Variants in MRLN observed in about 807,000 individuals in gnomAD.
MRLN encodes the protein Linc-RNA activator of myogenesis.
Position 59,752,399 on chromosome 10 carries a change from C to T in MRLN, c.-125+955G>A, listed in dbSNP as rs142297078. On this transcript the variant is annotated intron_variant, in intron 1 of 2. Coordinates refer to ENST00000414264, the MANE Select transcript of MRLN (RefSeq NM_001304731.2). ...TATATACACTGAGTAAACCCCACCA[C>T]GTTGTAAAAGAGACTATGATTCTCA... Among the ~76,000 whole-genome samples, 632 of 152,302 alleles carry T rather than the reference C, an allele frequency of 4.1e-3. 4 individuals are homozygous for T. Among genetic ancestry groups the T allele is most frequent in the African/African-American group, 0.013 (539 of 41,556 alleles).
chr10:59,750,740 T>A (rs1338951036), intron 1 of MRLN, among the ~76,000 whole-genome samples: 1 of 152,220 alleles, frequency 6.6e-6, no homozygotes, highest in Non-Finnish European at 1.5e-5. Flanking sequence ...CAAAGCCGGA[T>A]GAAATGCCCG....
At chr10:59,744,008 C>G (rs920573282) in intron 1 of MRLN, among the ~76,000 whole-genome samples, 1 of 152,248 alleles carries the variant, frequency 6.6e-6, no homozygotes, top group Non-Finnish European at 1.5e-5. Context: ...GATCTCGGCT[C>G]GCTACAACCG....
chr10:59,738,335 C>G (rs1840945142), intron 2 of MRLN, 124 bp downstream of exon 2: 2 of 152,166 alleles, frequency 1.3e-5, no homozygotes, highest in African/African-American at 4.8e-5. Flanking sequence ...TTTCTTCAGT[C>G]TGTGGCTCCC....
chr10:59,752,382 C>T (rs530531154), intron 1 of MRLN, among the ~76,000 whole-genome samples: 1 of 152,184 alleles, frequency 6.6e-6, no homozygotes, highest in Non-Finnish European at 1.5e-5. Context: ...CTTATATACA[C>T]TGAGTAAACC....
chr10:59,751,460 A>C (rs1417720055), intron 1 of MRLN, among the ~76,000 whole-genome samples: 1 of 152,028 alleles, frequency 6.6e-6, no homozygotes, highest in African/African-American at 2.4e-5. Context: ...CAGGAGTTTG[A>C]GACCAGGCTG....
At chr10:59,747,191 T>C (rs1295529387) in intron 1 of MRLN, among the ~76,000 whole-genome samples, 1 of 152,234 alleles carries the variant, frequency 6.6e-6, no homozygotes, top group Admixed American at 6.5e-5. Context: ...CTTGTTACCT[T>C]ATGGCTAACA....
chr10:59,736,928 T>C lies in MRLN; in HGVS notation c.*132A>G, dbSNP rs1840930734. On this transcript the variant is annotated 3_prime_UTR_variant, in exon 3 of 3. Transcript: ENST00000414264. Reference sequence around the variant, plus strand: ...ACTAAACAATACACAATGTTGTTTGTATTGCAGTGTCCTGTTGGCTTCTAG... The same window carrying C: ...ACTAAACAATACACAATGTTGTTTGCATTGCAGTGTCCTGTTGGCTTCTAG... 2.7e-6 allele frequency: 1 copy of C among 365,708 alleles called. No individual in the cohort carries two copies. The highest frequency in any genetic ancestry group is 4.9e-6 in the Non-Finnish European group (1 of 204,214). The allele number at this position is 365,708 out of a possible 1,614,324, so 22.7% of individuals were successfully genotyped here.
intron 1 of MRLN, among the ~76,000 whole-genome samples, chr10:59,748,620 T>G (rs1396574324): frequency 6.6e-6 from 1 of 152,194 alleles, no homozygotes; most frequent in Non-Finnish European, 1.5e-5. Context: ...TAACGAAATG[T>G]TGGTATAGAA....
chr10:59,752,259 C>T (rs1286671430), intron 1 of MRLN, among the ~76,000 whole-genome samples: 2 of 152,142 alleles, frequency 1.3e-5, no homozygotes, highest in South Asian at 2.1e-4. Flanking sequence ...TATTTGGAGG[C>T]TCTGGATTTA....
intron 1 of MRLN, among the ~76,000 whole-genome samples, chr10:59,743,759 T>G (rs974944146): frequency 6.6e-6 from 1 of 151,978 alleles, no homozygotes; most frequent in Non-Finnish European, 1.5e-5. Context: ...CACTGCAACC[T>G]CCCTGCCTGA....
intron 1 of MRLN, among the ~76,000 whole-genome samples, chr10:59,743,735 C>T (rs1841008844): frequency 6.6e-6 from 1 of 152,180 alleles, no homozygotes; most frequent in Non-Finnish European, 1.5e-5. Context: ...GACTGTACTG[C>T]TGCCATCTCG....
intron 1 of MRLN, among the ~76,000 whole-genome samples, chr10:59,742,434 T>C (rs1424868973): frequency 6.6e-6 from 1 of 152,148 alleles, no homozygotes; most frequent in Non-Finnish European, 1.5e-5. Flanking sequence ...GGGGTATATA[T>C]ATGGTTGGCA....
chr10:59,749,855 A>G (rs1334315244), intron 1 of MRLN, among the ~76,000 whole-genome samples: 1 of 151,978 alleles, frequency 6.6e-6, no homozygotes, highest in Non-Finnish European at 1.5e-5. Context: ...GAGGAAACAA[A>G]TAGCCCTTAA....
At chr10:59,739,470 T>C (rs527994687) in intron 1 of MRLN, 5 of 152,212 alleles carry the variant, frequency 3.3e-5, no homozygotes, top group Non-Finnish European at 7.3e-5. Context: ...ACAATATAAG[T>C]GCTATGTAAA....
intron 1 of MRLN, among the ~76,000 whole-genome samples, chr10:59,741,507 T>G (rs1840983358): frequency 6.6e-6 from 1 of 152,142 alleles, no homozygotes; most frequent in South Asian, 2.1e-4. Flanking sequence ...CTCAGCCTCC[T>G]GCGTAGCTGG....
chr10:59,737,289 A>G (rs547472636), intron 2 of MRLN, 69 bp from the exon 3 acceptor site: 9 of 382,874 alleles, frequency 2.4e-5, no homozygotes, highest in African/African-American at 1.4e-4. Context: ...ACTCAATCTA[A>G]TATTTCCACT....
chr10:59,752,011 G>C (rs568515674), intron 1 of MRLN, among the ~76,000 whole-genome samples: 7 of 152,324 alleles, frequency 4.6e-5, no homozygotes, highest in African/African-American at 1.7e-4. Flanking sequence ...GATTATAATA[G>C]AGCACATACG....
At chr10:59,753,198 T>C (rs1409683284) in intron 1 of MRLN, among the ~76,000 whole-genome samples, 156 bp downstream of exon 1, 1 of 152,170 alleles carries the variant, frequency 6.6e-6, no homozygotes, top group Non-Finnish European at 1.5e-5. Flanking sequence ...GAATAGGAAA[T>C]AGGCTTTATG....
intron 1 of MRLN, among the ~76,000 whole-genome samples, chr10:59,742,647 T>TTTCC (rs915796924): frequency 3.3e-5 from 5 of 152,080 alleles, no homozygotes; most frequent in African/African-American, 4.8e-5. Flanking sequence ...ATGTGATTTA[T>TTTCC]TTCCTTCCTT....
Sources: allele counts gnomAD v4.1 joint callset (sites outside exome capture counted in the v4.1 genomes callset), GRCh38; gene constraint gnomAD v4.1.1; transcripts MANE v1.5; gene names NCBI Gene and HGNC (gene_info 2026-07-23, HGNC 2026-07-21).